Variants in NUDCD3 observed in about 807,000 individuals in gnomAD.
NUDCD3 encodes the protein NudC domain containing 3.
In NUDCD3, 13 loss-of-function variants were observed where a neutral mutation model predicts 39.7. The observed-to-expected ratio is 0.33, with a 90% CI of 0.21 to 0.52. The LOEUF (loss-of-function observed/expected upper bound fraction) is 0.52, where lower values mean the gene tolerates loss of function less well. NUDCD3 is among the 20% of genes least tolerant of loss of function. The pLI is 0.96. For synonymous variants in NUDCD3, 175 were observed against 172.4 expected, an observed-to-expected ratio of 1.02 and a Z score of -0.12; for missense variants, 453 against 458.1, an observed-to-expected ratio of 0.99 and a Z score of 0.10.
intron 2 of NUDCD3, among the ~76,000 whole-genome samples, chr7:44,458,407 C>T (rs547248905): frequency 3.3e-4 from 50 of 152,306 alleles, no homozygotes; most frequent in African/African-American, 1.2e-3. Flanking sequence ...CACCTGTAAA[C>T]TCAGCACTTT....
chr7:44,400,893 G>A (rs1488899607), intron 4 of NUDCD3, among the ~76,000 whole-genome samples: 1 of 152,166 alleles, frequency 6.6e-6, no homozygotes, highest in Non-Finnish European at 1.5e-5. Flanking sequence ...TATCTACAAA[G>A]ACCCTTTTCC....
At chr7:44,448,927 G>A (rs1455189415) in intron 2 of NUDCD3, among the ~76,000 whole-genome samples, 1 of 152,222 alleles carries the variant, frequency 6.6e-6, no homozygotes, top group African/African-American at 2.4e-5. Context: ...CTGAGCTTGG[G>A]CAATGAGGAA....
Position 44,404,315 on chromosome 7 carries a change from T to A in NUDCD3, c.786+125A>T, listed in dbSNP as rs955310358. On this transcript the variant is annotated intron_variant, in intron 4 of 5. Coordinates refer to ENST00000355451, the MANE Select transcript of NUDCD3 (RefSeq NM_015332.4). ...TATGGAAAATGCTCAGGAAAACCCA[T>A]CTGCCCCAGCAGCTGAAATTAACAA... is the stretch of plus-strand genomic sequence containing the variant. 43 of 961,290 alleles carry A rather than the reference T, an allele frequency of 4.5e-5. No individual in the cohort carries two copies. The African/African-American group carries it at 5.4e-4, about 12-fold the overall frequency. 59.5% of individuals were successfully genotyped at this position (961,290 alleles called of 1,614,324 possible). A position where few individuals can be genotyped will look rare whatever the true frequency, so the allele number is the denominator to read the frequency against.
chr7:44,480,941 CAAAAAAAAAAA>C (rs1164765600), intron 2 of NUDCD3, among the ~76,000 whole-genome samples: 4 of 34,876 alleles, frequency 1.1e-4, no homozygotes, highest in Non-Finnish European at 2.0e-4. Flanking sequence ...GACCCAGTAT[CAAAAAAAAAAA>C]AAAAAAAAAA....
intron 2 of NUDCD3, among the ~76,000 whole-genome samples, chr7:44,446,586 TGCCCCAAAACCTAG>T (rs1297499065): frequency 3.9e-5 from 6 of 152,216 alleles, no homozygotes; most frequent in Non-Finnish European, 7.4e-5. Context: ...CTGGCAGGGA[TGCCCCAAAACCTAG>T]GCCCCAGGCT....
At chr7:44,441,326 G>A (rs188043630) in intron 2 of NUDCD3, among the ~76,000 whole-genome samples, 3 of 152,276 alleles carry the variant, frequency 2.0e-5, no homozygotes, top group East Asian at 3.9e-4. Flanking sequence ...GGGATTCTTA[G>A]ACTAAACTAC....
intron 2 of NUDCD3, among the ~76,000 whole-genome samples, chr7:44,459,838 G>A (rs1189382331): frequency 6.6e-6 from 1 of 152,128 alleles, no homozygotes; most frequent in Non-Finnish European, 1.5e-5. Context: ...ACAATAGAAT[G>A]ATATGCTTCC....
intron 2 of NUDCD3, among the ~76,000 whole-genome samples, chr7:44,476,160 G>A (rs1041854296): frequency 7.9e-5 from 12 of 152,114 alleles, no homozygotes; most frequent in Admixed American, 4.6e-4. Context: ...GTTTAAAGAC[G>A]AAACAAGGAA....
At chr7:44,471,913 C>T (rs554537381) in intron 2 of NUDCD3, 3 of 152,432 alleles carry the variant, frequency 2.0e-5, no homozygotes, top group South Asian at 2.1e-4. Context: ...ACCCTCACTG[C>T]CTTGGTGATC....
At chr7:44,458,726 G>A (rs1799947980) in intron 2 of NUDCD3, among the ~76,000 whole-genome samples, 1 of 152,156 alleles carries the variant, frequency 6.6e-6, no homozygotes, top group Admixed American at 6.5e-5. Flanking sequence ...TATGTGAAAA[G>A]CACTGAATTG....
chr7:44,430,605 A>AC (rs763668630), intron 2 of NUDCD3, among the ~76,000 whole-genome samples: 4 of 138,678 alleles, frequency 2.9e-5, no homozygotes, highest in Non-Finnish European at 4.8e-5. Flanking sequence ...CACACACACA[A>AC]AAGACCAACA....
At chr7:44,412,039 T>G (rs968894632) in intron 3 of NUDCD3, among the ~76,000 whole-genome samples, 1 of 152,242 alleles carries the variant, frequency 6.6e-6, no homozygotes, top group African/African-American at 2.4e-5. Context: ...ACACTCATGT[T>G]CAGGCAGATG....
At chr7:44,464,265 T>G (rs559188398) in intron 2 of NUDCD3, among the ~76,000 whole-genome samples, 1 of 151,406 alleles carries the variant, frequency 6.6e-6, no homozygotes, top group South Asian at 2.1e-4. Flanking sequence ...TTTCCCAAAT[T>G]AACTTCCTCC....
At chr7:44,448,409 C>T (rs372632157) in intron 2 of NUDCD3, among the ~76,000 whole-genome samples, 2 of 152,270 alleles carry the variant, frequency 1.3e-5, no homozygotes, top group Middle Eastern at 3.4e-3. Context: ...ACAGAGCCCC[C>T]AGAACACCTG....
At chr7:44,409,279 G>C (rs1473027359) in intron 3 of NUDCD3, among the ~76,000 whole-genome samples, 1 of 152,120 alleles carries the variant, frequency 6.6e-6, no homozygotes, top group Non-Finnish European at 1.5e-5. Context: ...AGCAATGAAG[G>C]TATGCTCCAA....
intron 2 of NUDCD3, among the ~76,000 whole-genome samples, chr7:44,467,510 A>G (rs948893561): frequency 1.3e-5 from 2 of 152,176 alleles, no homozygotes; most frequent in African/African-American, 2.4e-5. Flanking sequence ...TTAGAACCCA[A>G]GCTCCCAGAT....
chr7:44,386,204 A>G, intron 5 of NUDCD3, 83 bp from the exon 6 acceptor site: 1 of 1,469,944 alleles, frequency 6.8e-7, no homozygotes. Context: ...CTGCAGGTAG[A>G]GAGCCTTCTT....
intron 5 of NUDCD3, 44 bp from the exon 6 acceptor site, chr7:44,386,165 T>A (rs1004783357): frequency 6.2e-7 from 1 of 1,603,006 alleles, no homozygotes. Flanking sequence ...CACAACGCAC[T>A]GTGTACTTTC....
Position 44,385,921 on chromosome 7 carries a change from G to T in NUDCD3, c.*90C>A. 2.7e-6 allele frequency: 2 copies of T among 736,232 alleles called. No homozygotes were observed. Among genetic ancestry groups the T allele is most frequent in the South Asian group, 3.0e-5 (2 of 66,248 alleles). The allele number at this position is 736,232 out of a possible 1,614,324, so 45.6% of individuals were successfully genotyped here. A position where few individuals can be genotyped will look rare whatever the true frequency, so the allele number is the denominator to read the frequency against. On this transcript the variant is annotated 3_prime_UTR_variant, in exon 6 of 6. Transcript: ENST00000355451. ...GGATGGCTAGGGGTAAACAAGACGA[G>T]CAAGTCCCTGGAATGCAGGGAGCCA...
Sources: gnomAD v4.1 joint callset for allele counts (sites outside exome capture counted in the v4.1 genomes callset) on GRCh38, gnomAD v4.1.1 for gene constraint, MANE v1.5 for transcripts, NCBI Gene and HGNC (gene_info 2026-07-23, HGNC 2026-07-21) for gene names.